ANKRD13C: variants seen among roughly 807,000 people sequenced by gnomAD.
ANKRD13C encodes ankyrin repeat domain-containing protein 13C.
ANKRD13C carries 16 observed loss-of-function variants against 65.5 expected under a neutral mutation model. The observed-to-expected ratio is 0.24, with a 90% CI of 0.17 to 0.37. The LOEUF is 0.37. Among genes scored for constraint, ANKRD13C ranks in the 10% least tolerant of loss-of-function variants. ANKRD13C has a pLI of 1.00. For synonymous variants in ANKRD13C, 235 were observed against 238.7 expected (o/e 0.98, Z 0.14); for missense variants, 503 against 655.9 (o/e 0.77, Z 2.55).
chr1:70,264,345 G>A (rs1002997709), intron 12 of ANKRD13C, among the ~76,000 whole-genome samples: 11 of 151,736 alleles, frequency 7.2e-5, no homozygotes, highest in East Asian at 1.9e-4. Context: ...GTGTGGTGGC[G>A]GGTGCCTATA....
intron 7 of ANKRD13C, among the ~76,000 whole-genome samples, chr1:70,297,915 CAAAA>C (rs10710510): frequency 7.9e-6 from 1 of 127,280 alleles, no homozygotes; most frequent in Non-Finnish European, 1.7e-5. Context: ...GACTCCATCT[CAAAA>C]AAAAAAAAAA....
At chr1:70,342,585 T>C (rs10518334) in intron 1 of ANKRD13C, among the ~76,000 whole-genome samples, 16,040 of 152,100 alleles carry the variant, frequency 0.11, 1,053 homozygotes, top group Non-Finnish European at 0.15. Context: ...ATCAAATGTA[T>C]AAATTCCTGA....
chr1:70,346,873 C>T (rs941691104), intron 1 of ANKRD13C, among the ~76,000 whole-genome samples: 27 of 151,932 alleles, frequency 1.8e-4, no homozygotes, highest in African/African-American at 6.3e-4. Context: ...GGGTGGATCA[C>T]GAGGTCAGGA....
intron 5 of ANKRD13C, among the ~76,000 whole-genome samples, chr1:70,308,184 G>C (rs1039289495): frequency 6.6e-6 from 1 of 151,464 alleles, no homozygotes; most frequent in Admixed American, 6.6e-5. Context: ...TTTTAAAGAC[G>C]GGGGTCTCCC....
At position 70,307,849 on chromosome 1, in the gene ANKRD13C, T is replaced by C. The variant is rs187789588; in HGVS notation, c.710-1559A>G. ...CTGTAGTCCTAGCTACCTGGGAGAC[T>C]GAAGCAGGAGGATCACCTGAGGCCA... On this transcript the variant is annotated intron_variant, in intron 5 of 12. Coordinates refer to ENST00000370944, the MANE Select transcript of ANKRD13C (RefSeq NM_030816.5). Among the ~76,000 whole-genome samples, 4 of 152,128 alleles carry C rather than the reference T, an allele frequency of 2.6e-5. No homozygotes were observed. In the East Asian group the frequency reaches 7.7e-4, roughly 29 times the overall value.
At chr1:70,352,144 C>T (rs1682766776) in intron 1 of ANKRD13C, among the ~76,000 whole-genome samples, 1 of 151,832 alleles carries the variant, frequency 6.6e-6, no homozygotes, top group African/African-American at 2.4e-5. Context: ...TGGAGACCAT[C>T]CCGGCTCACA....
At chr1:70,287,075 A>G (rs763312834) in intron 9 of ANKRD13C, among the ~76,000 whole-genome samples, 15 of 152,074 alleles carry the variant, frequency 9.9e-5, no homozygotes, top group Non-Finnish European at 2.1e-4. Flanking sequence ...GTATAAAAAC[A>G]AACTGGAAAT....
intron 1 of ANKRD13C, among the ~76,000 whole-genome samples, chr1:70,339,362 G>A: frequency 6.9e-6 from 1 of 144,536 alleles, no homozygotes; most frequent in East Asian, 2.0e-4. Context: ...TTGTCACCCA[G>A]GCTGGAGTGC....
intron 12 of ANKRD13C, among the ~76,000 whole-genome samples, chr1:70,270,348 A>T (rs1159204110): frequency 6.6e-6 from 1 of 152,250 alleles, no homozygotes; most frequent in African/African-American, 2.4e-5. Flanking sequence ...CTCATCAGGC[A>T]CTTTAAATAT....
At chr1:70,328,790 T>C (rs1462408775) in intron 2 of ANKRD13C, among the ~76,000 whole-genome samples, 3 of 152,184 alleles carry the variant, frequency 2.0e-5, no homozygotes, top group Non-Finnish European at 4.4e-5. Context: ...GGTTTTAACA[T>C]GCATTACCAT....
chr1:70,269,729 CAAAA>C, intron 12 of ANKRD13C, among the ~76,000 whole-genome samples: 1 of 82,450 alleles, frequency 1.2e-5, no homozygotes, highest in South Asian at 3.9e-4. Flanking sequence ...AGTCATTTTT[CAAAA>C]AAAAAAAAAA....
intron 4 of ANKRD13C, among the ~76,000 whole-genome samples, chr1:70,314,224 AT>A (rs903807914): frequency 2.7e-4 from 39 of 146,768 alleles, no homozygotes; most frequent in East Asian, 3.9e-4. Flanking sequence ...TGAAAAAAAA[AT>A]TTTTTTTTTT....
At chr1:70,318,490 T>C (rs1291522263) in intron 3 of ANKRD13C, among the ~76,000 whole-genome samples, 5 of 152,174 alleles carry the variant, frequency 3.3e-5, no homozygotes, top group Admixed American at 2.0e-4. Context: ...CTACCTGATG[T>C]ACTACAGTTG....
rs1224687903 is a variant in ANKRD13C at position 70,262,794 on chromosome 1, A to G, written c.1549T>C (p.Tyr517His). 9 of 1,613,724 alleles carry G rather than the reference A, an allele frequency of 5.6e-6. No homozygotes were observed. Among genetic ancestry groups the G allele is most frequent in the South Asian group, 2.2e-5 (2 of 91,072 alleles). Residue 517 changes from tyrosine (Y) to histidine (H), a missense_variant, in exon 13 of 13, where the codon TAC becomes CAC. By Grantham distance (83) the Tyr-to-His change is moderately conservative. Around this residue, in one of 2 missense-constraint regions of ANKRD13C, gnomAD observed 300 missense variants for 478.3 expected, o/e 0.63. Coordinates refer to ENST00000370944, the MANE Select transcript of ANKRD13C (RefSeq NM_030816.5). ...TATVTFQEFR[Y>H]DEFDGSIFTI... is the part of the protein sequence containing the mutation. Reference sequence around the variant, plus strand: ...AAGATGGAGCCATCAAATTCATCGTATCGAAACTCCTGAAAAGTCACAGTG... The same window carrying G: ...AAGATGGAGCCATCAAATTCATCGTGTCGAAACTCCTGAAAAGTCACAGTG...
chr1:70,261,020 A>T lies in ANKRD13C; in HGVS notation c.*1697T>A, dbSNP rs1401865482. On this transcript the variant is annotated 3_prime_UTR_variant, in exon 13 of 13. Transcript: ENST00000370944. ...CATGTAACCACTGATAGGATAATTC[A>T]GTCTCTAAGTCATTTGATCTACCCA... is the stretch of plus-strand genomic sequence containing the variant. The T allele has an allele frequency of 6.6e-6, 1 of 152,112 alleles. No individual in the cohort carries two copies. Among genetic ancestry groups the T allele is most frequent in the African/African-American group, 2.4e-5 (1 of 41,444 alleles). The allele number at this position is 152,112 out of a possible 1,614,324, so 9.4% of individuals were successfully genotyped here. A position where few individuals can be genotyped will look rare whatever the true frequency, so the allele number is the denominator to read the frequency against.
chr1:70,277,694 CAG>C (rs983703345), intron 9 of ANKRD13C, among the ~76,000 whole-genome samples: 40 of 151,904 alleles, frequency 2.6e-4, no homozygotes, highest in African/African-American at 9.7e-4. Context: ...GTTTTTAAAA[CAG>C]AGAAAATTAA....
intron 6 of ANKRD13C, among the ~76,000 whole-genome samples, chr1:70,303,095 T>C (rs1363419077): frequency 6.6e-6 from 1 of 152,314 alleles, no homozygotes; most frequent in East Asian, 1.9e-4. Context: ...GTAAAATTAG[T>C]TATAGAAACT....
intron 9 of ANKRD13C, among the ~76,000 whole-genome samples, chr1:70,284,356 A>G (rs1209662374): frequency 3.9e-5 from 6 of 152,096 alleles, no homozygotes; most frequent in Non-Finnish European, 1.5e-5. Flanking sequence ...GAAATCATAT[A>G]TATTTTCTAG....
intron 11 of ANKRD13C, among the ~76,000 whole-genome samples, chr1:70,273,453 T>C (rs1334212687): frequency 6.6e-6 from 1 of 152,156 alleles, no homozygotes; most frequent in Non-Finnish European, 1.5e-5. Flanking sequence ...AATAGAGTAT[T>C]TTTAAAAAGG....
Sources: allele counts gnomAD v4.1 joint callset (sites outside exome capture counted in the v4.1 genomes callset), GRCh38; gene constraint gnomAD v4.1.1; regional missense constraint gnomAD v4.1.1; transcripts MANE v1.5; gene names NCBI Gene and HGNC (gene_info 2026-07-23, HGNC 2026-07-21).